Variants in FAU observed in about 807,000 individuals in gnomAD.
FAU encodes FAU ubiquitin like and ribosomal protein S30 fusion.
For missense variants in FAU, 125 were observed against 173.9 expected, an observed-to-expected ratio of 0.72 and a Z score of 1.58; for synonymous variants, 70 against 69.9, an observed-to-expected ratio of 1.00 and a Z score of -0.01.
chr11:65,120,756 C>A lies in FAU; in HGVS notation c.327G>T (p.Arg109=). ...KKKKTGRAKR[R]MQYNRRFVNV... ...TGACAAAGCGCCGGTTGTACTGCAT[C>A]CGCCGCTTAGCCCGACCTGTCTTCT... Residue 109 remains arginine, a synonymous_variant, in exon 5 of 5, where the codon CGG becomes CGT. Coordinates refer to ENST00000529639, the MANE Select transcript of FAU (RefSeq NM_001997.5). 6.2e-7 allele frequency: 1 copy of A among 1,614,180 alleles called. No individual in the cohort carries two copies. Among genetic ancestry groups the A allele is most frequent in the South Asian group, 1.1e-5 (1 of 91,088 alleles).
At chr11:65,122,068 C>G (rs542759520) in intron 1 of FAU, 22 bp downstream of exon 1, 2 of 601,112 alleles carry the variant, frequency 3.3e-6, no homozygotes, top group Non-Finnish European at 2.9e-6. Context: ...CCCTTCGGAT[C>G]CAGCCAAGGC....
At chr11:65,121,963 A>C in intron 1 of FAU, 127 bp downstream of exon 1, 1 of 799,714 alleles carries the variant, frequency 1.3e-6, no homozygotes, top group South Asian at 1.6e-5. Flanking sequence ...AGGCCTCCCA[A>C]GGAGTTCGGA....
In FAU at chr11:65,121,631, G is replaced by A; in HGVS notation, c.89C>T (p.Ser30Leu). 6.2e-7 allele frequency: 1 copy of A among 1,613,936 alleles called. No homozygotes were observed. The highest frequency in any genetic ancestry group is 1.3e-5 in the African/African-American group (1 of 75,044). Residue 30 changes from serine (S) to leucine (L), a missense_variant, in exon 3 of 5, where the codon TCA (serine) becomes TTA (leucine). Ser to Leu is a moderately radical substitution (Grantham distance 145, BLOSUM62 -2). Transcript: ENST00000529639. ...ATCTTCCGGGGCAATGCCCTCCAGTGAGGCTACATGAGCCTACAGGGAAAG... is the reference window on the plus strand; with the variant it reads ...ATCTTCCGGGGCAATGCCCTCCAGTAAGGCTACATGAGCCTACAGGGAAAG... Reference protein sequence around the residue: ...TVAQIKAHVASLEGIAPEDQV... With the variant: ...TVAQIKAHVALLEGIAPEDQV...
chr11:65,120,894 G>C, intron 4 of FAU, 87 bp downstream of exon 4: 1 of 1,609,462 alleles, frequency 6.2e-7, no homozygotes, highest in Non-Finnish European at 8.5e-7. Flanking sequence ...GGAGGGAGAA[G>C]GCAAACCGAG....
Position 65,121,514 on chromosome 11 carries a change from C to A in FAU, c.206G>T (p.Gly69Val). Reference protein sequence around the residue: ...VEALTTLEVAGRMLGGKVHGS... With the variant: ...VEALTTLEVAVRMLGGKVHGS... Reference sequence around the variant, plus strand: ...CTCTCACTCACCTCCAAGCATGCGGCCTGCTACTTCCAGGGTAGTCAGGGC... The same window carrying A: ...CTCTCACTCACCTCCAAGCATGCGGACTGCTACTTCCAGGGTAGTCAGGGC... Residue 69 changes from glycine (G) to valine (V), a missense_variant, in exon 3 of 5, where the codon GGC (glycine) becomes GTC (valine). Coordinates refer to ENST00000529639, the MANE Select transcript of FAU (RefSeq NM_001997.5). 6.2e-7 allele frequency: 1 copy of A among 1,613,406 alleles called. No homozygotes were observed. Among genetic ancestry groups the A allele is most frequent in the South Asian group, 1.1e-5 (1 of 91,038 alleles).
chr11:65,121,754 C>T lies in FAU; in HGVS notation c.60G>A (p.Thr20=). Residue 20 remains threonine (T), a synonymous_variant, in exon 2 of 5, where the codon ACG becomes ACA. Transcript: ENST00000529639. ...LHTFEVTGQE[T]VAQIKAHVAS... The stretch of plus-strand genomic sequence containing the variant: ...GCAGCCTTACCTTGATCTGGGCGAC[C>T]GTTTCCTGGCCGGTCACCTCGAAGG... The T allele has an allele frequency of 1.2e-6, 2 of 1,614,112 alleles. No homozygotes were observed. Among genetic ancestry groups the T allele is most frequent in the South Asian group, 1.1e-5 (1 of 91,082 alleles).
intron 1 of FAU, 114 bp from the exon 2 acceptor site, chr11:65,121,935 G>T: frequency 9.0e-7 from 1 of 1,107,306 alleles, no homozygotes; most frequent in Non-Finnish European, 1.3e-6. Context: ...GGTCGCGGCG[G>T]CTCACGTGGG....
Position 65,120,750 on chromosome 11 carries a change from C to T in FAU, c.333G>A (p.Gln111=). ...CAACGTTGACAAAGCGCCGGTTGTA[C>T]TGCATCCGCCGCTTAGCCCGACCTG... ...KKTGRAKRRM[Q]YNRRFVNVVP... is the part of the protein sequence containing the mutation. The change falls in exon 5 of 5, where the codon CAG becomes CAA. Residue 111 remains glutamine (Q), a synonymous_variant. Coordinates refer to ENST00000529639, the MANE Select transcript of FAU (RefSeq NM_001997.5). 1 of 1,614,206 alleles carries T rather than the reference C, an allele frequency of 6.2e-7. No individual in the cohort carries two copies. The highest frequency in any genetic ancestry group is 8.5e-7 in the Non-Finnish European group (1 of 1,180,032).
rs1171332301 is a variant in FAU at position 65,121,614 on chromosome 11, G to A, written c.106C>T (p.Pro36Ser). Residue 36 changes from proline (P) to serine (S), a missense_variant, in exon 3 of 5, where the codon CCG becomes TCG. Transcript: ENST00000529639. ...AHVASLEGIA[P>S]EDQVVLLAGA... The stretch of plus-strand genomic sequence containing the variant: ...GCCAGGAGCACGACTTGATCTTCCG[G>A]GGCAATGCCCTCCAGTGAGGCTACA... The A allele has an allele frequency of 6.2e-7, 1 of 1,614,002 alleles. No homozygotes were observed. Among genetic ancestry groups the A allele is most frequent in the South Asian group, 1.1e-5 (1 of 91,082 alleles).
intron 1 of FAU, 51 bp downstream of exon 1, chr11:65,122,039 G>A (rs560666000): frequency 3.3e-6 from 2 of 606,670 alleles, no homozygotes; most frequent in Admixed American, 3.0e-5. Flanking sequence ...TTCTGACCCC[G>A]CAGCCAACCT....
intron 3 of FAU, 158 bp downstream of exon 3, chr11:65,121,342 G>T: frequency 2.0e-6 from 2 of 1,018,604 alleles, no homozygotes; most frequent in Non-Finnish European, 2.8e-6. Context: ...GGACGTCTGT[G>T]TTCAACATGA....
chr11:65,120,922 G>A, intron 4 of FAU, 59 bp downstream of exon 4: 1 of 1,611,256 alleles, frequency 6.2e-7, no homozygotes, highest in Non-Finnish European at 8.5e-7. Flanking sequence ...CCAGGGACTT[G>A]GTTTAGCTGT....
At position 65,121,513 on chromosome 11, in the gene FAU, G is replaced by A. The variant is rs113519388; in HGVS notation, c.207C>T (p.Gly69=). Residue 69 remains glycine (G), a synonymous_variant, in exon 3 of 5, where the codon GGC becomes GGT. Transcript: ENST00000529639. ...TCTCTCACTCACCTCCAAGCATGCG[G>A]CCTGCTACTTCCAGGGTAGTCAGGG... ...VEALTTLEVA[G]RMLGGKVHGS... is the part of the protein sequence containing the mutation. 8.7e-6 allele frequency: 14 copies of A among 1,613,364 alleles called. No homozygotes were observed. Among genetic ancestry groups the A allele is most frequent in the Non-Finnish European group, 1.1e-5 (13 of 1,179,722 alleles).
chr11:65,121,711 G>A (rs776903396), intron 2 of FAU, 28 bp downstream of exon 2: 3 of 1,613,816 alleles, frequency 1.9e-6, no homozygotes. Flanking sequence ...CAAGAAAATG[G>A]AACCCAGGGC....
chr11:65,121,837 A>G lies in FAU; in HGVS notation c.-8-16T>C. On this transcript the variant is annotated splice_polypyrimidine_tract_variant and intron_variant, in intron 1 of 4. Transcript: ENST00000529639. ...ATATTGGCGACTGAGTAAAGAAAAG[A>G]CGGCTTGTAAGAGAAGCCAAGAAAT... is the stretch of plus-strand genomic sequence containing the variant. The G allele has an allele frequency of 6.2e-7, 1 of 1,613,284 alleles. No homozygotes were observed.
intron 4 of FAU, 25 bp downstream of exon 4, chr11:65,120,956 C>T (rs1309728535): frequency 1.2e-5 from 20 of 1,613,888 alleles, no homozygotes; most frequent in Non-Finnish European, 1.7e-5. Context: ...GTCCTAACAC[C>T]ATGACCACTA....
chr11:65,121,366 G>A, intron 3 of FAU, 134 bp downstream of exon 3: 1 of 1,229,758 alleles, frequency 8.1e-7, no homozygotes, highest in East Asian at 2.4e-5. Context: ...ATGTAAACAG[G>A]AAGAATCACT....
chr11:65,121,391 G>T, intron 3 of FAU, 109 bp downstream of exon 3: 1 of 1,397,258 alleles, frequency 7.2e-7, no homozygotes, highest in Non-Finnish European at 9.7e-7. Flanking sequence ...ACTGAAGACA[G>T]TGAGAAGTAC....
chr11:65,121,775 G>T lies in FAU; in HGVS notation c.39C>A (p.Phe13Leu). The T allele has an allele frequency of 7.4e-6, 12 of 1,614,138 alleles. No individual in the cohort carries two copies. Among genetic ancestry groups the T allele is most frequent in the Non-Finnish European group, 1.0e-5 (12 of 1,180,046 alleles). ...CGACCGTTTCCTGGCCGGTCACCTC[G>T]AAGGTGTGTAGCTCCTGGGCGCGGA... The part of the protein sequence containing the change: ...LFVRAQELHT[F>L]EVTGQETVAQ... The change falls in exon 2 of 5, where the codon TTC (phenylalanine) becomes TTA (leucine). Residue 13 changes from phenylalanine (F) to leucine (L), a missense_variant. Coordinates refer to ENST00000529639, the MANE Select transcript of FAU (RefSeq NM_001997.5).
Sources: allele counts gnomAD v4.1 joint callset, GRCh38; gene constraint gnomAD v4.1.1; transcripts MANE v1.5; gene names NCBI Gene and HGNC (gene_info 2026-07-23, HGNC 2026-07-21).